The following C3orf52 variants were observed in gnomAD, a reference collection of about 807,000 sequenced individuals.
C3orf52 encodes the protein chromosome 3 open reading frame 52.
A neutral mutation model predicts 24.8 loss-of-function variants in C3orf52; 22 were observed. That is an observed-to-expected ratio of 0.89 (90% confidence interval 0.63 to 1.27). The LOEUF (loss-of-function observed/expected upper bound fraction) is 1.27. C3orf52 is among the 50% of genes most tolerant of loss of function. The pLI is 0.00. For missense variants in C3orf52, 265 were observed against 260.7 expected (o/e 1.02, Z -0.11); for synonymous variants, 93 against 100.2 (o/e 0.93, Z 0.43).
In C3orf52 at chr3:112,116,678, G is replaced by A; in HGVS notation, c.*32G>A. ...GGAGGCTGGTCTCTGTCTGAAAGCA[G>A]TGCTCTACCAAGTCCTGGAGATGAA... On this transcript the variant is annotated 3_prime_UTR_variant, in exon 6 of 6. Transcript: ENST00000264848. 1 of 1,593,604 alleles carries A rather than the reference G, an allele frequency of 6.3e-7. No individual in the cohort carries two copies. The highest frequency in any genetic ancestry group is 1.3e-5 in the African/African-American group (1 of 74,806).
downstream of C3orf52, chr3:112,130,506 G>C: frequency 6.2e-7 from 1 of 1,613,758 alleles, no homozygotes; most frequent in African/African-American, 1.3e-5. Context: ...TGAGTGTTCT[G>C]CTGCCGCCTG....
At chr3:112,111,236 G>T (rs1228950180) in intron 4 of C3orf52, among the ~76,000 whole-genome samples, 1 of 152,158 alleles carries the variant, frequency 6.6e-6, no homozygotes, top group African/African-American at 2.4e-5. Flanking sequence ...AGTGTACATG[G>T]TACTTACGGT....
At chr3:112,091,947 T>C (rs984324456) in intron 1 of C3orf52, among the ~76,000 whole-genome samples, 1 of 150,404 alleles carries the variant, frequency 6.6e-6, no homozygotes, top group Non-Finnish European at 1.5e-5. Context: ...GAGCTTGCAG[T>C]GAGCGGAGAT....
At chr3:112,093,176 C>T (rs544686377) in intron 1 of C3orf52, among the ~76,000 whole-genome samples, 184 bp from the exon 2 acceptor site, 2 of 152,288 alleles carry the variant, frequency 1.3e-5, no homozygotes, top group Admixed American at 1.3e-4. Flanking sequence ...GATTTTCTTG[C>T]TAACTTCTTG....
intron 2 of C3orf52, among the ~76,000 whole-genome samples, chr3:112,094,784 A>G (rs900253970): frequency 2.0e-5 from 3 of 152,264 alleles, no homozygotes; most frequent in Admixed American, 1.3e-4. Flanking sequence ...AAAGAAGAAA[A>G]TTGTTTTTAT....
chr3:112,120,909 A>G (rs928924857), downstream of C3orf52: 2 of 152,140 alleles, frequency 1.3e-5, no homozygotes, highest in African/African-American at 4.8e-5. Context: ...TTACACTCAT[A>G]TCAGAATTTT....
chr3:112,125,540 A>G (rs553715246), intron 4 of C3orf52, among the ~76,000 whole-genome samples: 1 of 152,342 alleles, frequency 6.6e-6, no homozygotes, highest in East Asian at 1.9e-4. Context: ...CTCCTTACCT[A>G]GCCCCGTCTC....
exon 5 of C3orf52, chr3:112,128,289 C>T: frequency 3.0e-6 from 2 of 672,538 alleles, no homozygotes; most frequent in South Asian, 3.1e-5. Context: ...GCTGTGTTCC[C>T]AGCAAAGGAA....
At chr3:112,105,539 C>CGTGTGTGTGTGT (rs3082397) in intron 3 of C3orf52, among the ~76,000 whole-genome samples, 23 of 148,140 alleles carry the variant, frequency 1.6e-4, no homozygotes, top group African/African-American at 5.5e-4. Flanking sequence ...CTTCTTTGGC[C>CGTGTGTGTGTGT]GTGTGTGTGT....
Position 112,111,705 on chromosome 3 carries a change from T to C in C3orf52, c.468-1259T>C, listed in dbSNP as rs571543664. The C allele has an allele frequency of 2.0e-5, 3 of 152,316 alleles. No homozygotes were observed. In the East Asian group the frequency reaches 5.8e-4, roughly 29 times the overall value. The allele number at this position is 152,316 out of a possible 1,614,324, so 9.4% of individuals were successfully genotyped here. On this transcript the variant is annotated intron_variant, in intron 4 of 5. Transcript: ENST00000264848. ...CCCCTGGGAATGCAGGGTGGCTGGCTGTGTAGGTGTTGATCATCATTAGCG... is the reference window on the plus strand; with the variant it reads ...CCCCTGGGAATGCAGGGTGGCTGGCCGTGTAGGTGTTGATCATCATTAGCG...
At chr3:112,131,756 A>C (rs1004968155), downstream of C3orf52, among the ~76,000 whole-genome samples, 1 of 152,214 alleles carries the variant, frequency 6.6e-6, no homozygotes, top group African/African-American at 2.4e-5. Context: ...CAAAATCAAA[A>C]CTTATGTGAG....
chr3:112,087,531 G>T (rs909484195), intron 1 of C3orf52, among the ~76,000 whole-genome samples: 7 of 152,128 alleles, frequency 4.6e-5, no homozygotes, highest in African/African-American at 1.7e-4. Flanking sequence ...CTTTTTGGCT[G>T]CCCAGCTGTT....
chr3:112,086,857 T>G (rs1407314557), intron 1 of C3orf52, among the ~76,000 whole-genome samples: 3 of 152,174 alleles, frequency 2.0e-5, no homozygotes, highest in Non-Finnish European at 4.4e-5. Flanking sequence ...TTTTTTAAAG[T>G]TATGTAACTT....
rs192594407 is a variant in C3orf52, at chr3:112,113,457, G to A, written c.649+312G>A. On this transcript the variant is annotated intron_variant, in intron 5 of 5. Transcript: ENST00000264848. The stretch of plus-strand genomic sequence containing the variant: ...GCAGTTCACCCACATTCTAAGCCCT[G>A]TATCCTACTTTACAACATGATTAGC... Among the ~76,000 whole-genome samples the A allele has an allele frequency of 1.0e-3, 157 of 152,272 alleles. 1 individual carries two copies. Among genetic ancestry groups the A allele is most frequent in the African/African-American group, 3.6e-3 (151 of 41,542 alleles).
At chr3:112,110,947 A>T (rs2074074755) in intron 4 of C3orf52, among the ~76,000 whole-genome samples, 1 of 152,200 alleles carries the variant, frequency 6.6e-6, no homozygotes, top group Non-Finnish European at 1.5e-5. Context: ...ATGGTGGCTT[A>T]CACCTGTAAT....
chr3:112,131,383 G>C (rs963004321), downstream of C3orf52, among the ~76,000 whole-genome samples: 12 of 152,068 alleles, frequency 7.9e-5, no homozygotes, highest in African/African-American at 1.4e-4. Flanking sequence ...GACACGGTTG[G>C]GGGGGTATGC....
intron 2 of C3orf52, among the ~76,000 whole-genome samples, chr3:112,100,978 A>G (rs572953658): frequency 5.3e-5 from 8 of 152,204 alleles, no homozygotes; most frequent in Non-Finnish European, 1.0e-4. Flanking sequence ...AACCCTCTTG[A>G]TTGCAAGATT....
chr3:112,129,052 A>G (rs892501897), downstream of C3orf52: 4 of 152,192 alleles, frequency 2.6e-5, no homozygotes, highest in Non-Finnish European at 5.9e-5. Flanking sequence ...ACAACCTCTA[A>G]GATCTATGCA....
At position 112,113,055 on chromosome 3, in the gene C3orf52, G is replaced by A. The variant is rs2074101142; in HGVS notation, c.559G>A (p.Val187Met). Reference protein sequence around the residue: ...FMKYMMSEELVLGILLQDFRD... With the variant: ...FMKYMMSEELMLGILLQDFRD... Reference sequence around the variant, plus strand: ...GAAGTATATGATGAGTGAGGAGTTGGTGCTGGGCATTTTGCTACAGGATTT... The same window carrying A: ...GAAGTATATGATGAGTGAGGAGTTGATGCTGGGCATTTTGCTACAGGATTT... Residue 187 changes from valine (V) to methionine (M), a missense_variant, in exon 5 of 6, where the codon GTG becomes ATG. Transcript: ENST00000264848. The A allele has an allele frequency of 2.5e-6, 4 of 1,609,998 alleles. No individual in the cohort carries two copies. Among genetic ancestry groups the A allele is most frequent in the Non-Finnish European group, 3.4e-6 (4 of 1,178,278 alleles).
Sources: gnomAD v4.1 joint callset for allele counts (sites outside exome capture counted in the v4.1 genomes callset) on GRCh38, gnomAD v4.1.1 for gene constraint, MANE v1.5 for transcripts, NCBI Gene and HGNC (gene_info 2026-07-23, HGNC 2026-07-21) for gene names.